The following PARP14 variants were observed in gnomAD, a reference collection of about 807,000 sequenced individuals.
PARP14 encodes poly(ADP-ribose) polymerase family member 14.
A neutral mutation model predicts 154.2 loss-of-function variants in PARP14; 59 were observed. The observed-to-expected ratio is 0.38, with a 90% CI of 0.31 to 0.48. The LOEUF is 0.48. PARP14 is among the 20% of genes least tolerant of loss of function. The pLI, the probability that PARP14 is intolerant of heterozygous loss-of-function variation, is 0.98. For synonymous variants in PARP14, 720 were observed against 780.5 expected (o/e 0.92, Z 1.29); for missense variants, 1,734 against 2,131.6 (o/e 0.81, Z 3.67).
At chr3:122,709,927 C>A (rs781486379) in intron 9 of PARP14, among the ~76,000 whole-genome samples, 1 of 146,918 alleles carries the variant, frequency 6.8e-6, no homozygotes, top group Non-Finnish European at 1.5e-5. Flanking sequence ...TTTTTTCTTG[C>A]GATTTGCTTG....
At chr3:122,703,044 T>C (rs1360144933) in intron 6 of PARP14, among the ~76,000 whole-genome samples, 3 of 145,500 alleles carry the variant, frequency 2.1e-5, no homozygotes, top group Non-Finnish European at 4.5e-5. Flanking sequence ...AAAACAGTCA[T>C]AGTTTGCTTT....
intron 14 of PARP14, among the ~76,000 whole-genome samples, chr3:122,719,409 T>A (rs992488877): frequency 7.2e-5 from 11 of 152,122 alleles, no homozygotes; most frequent in African/African-American, 2.7e-4. Context: ...CCAGGGAGGA[T>A]CGGGAGCCTG....
chr3:122,714,509 C>T (rs1932935643), intron 12 of PARP14, 80 bp downstream of exon 12: 1 of 1,157,394 alleles, frequency 8.6e-7, no homozygotes, highest in Non-Finnish European at 1.2e-6. Context: ...TGAATGCGGT[C>T]AGTGCTGAGT....
At chr3:122,693,734 A>G (rs1282696880) in intron 4 of PARP14, among the ~76,000 whole-genome samples, 1 of 151,826 alleles carries the variant, frequency 6.6e-6, no homozygotes, top group East Asian at 1.9e-4. Flanking sequence ...CCAGCTACTC[A>G]GGAGGCTGAG....
In PARP14 at chr3:122,685,074, A is replaced by G. The variant is rs1023394677; in HGVS notation, c.188-111A>G. 11 of 1,203,992 alleles carry G rather than the reference A, an allele frequency of 9.1e-6. No individual in the cohort carries two copies. In the African/African-American group the frequency reaches 1.7e-4, roughly 18 times the overall value. 74.6% of individuals were successfully genotyped at this position (1,203,992 alleles called of 1,614,324 possible). ...ACTTCACATATAGCCTCTCTTGAGAAACCGACCAAGCCATTGATTGATGGT... is the reference window on the plus strand; with the variant it reads ...ACTTCACATATAGCCTCTCTTGAGAGACCGACCAAGCCATTGATTGATGGT... On this transcript the variant is annotated intron_variant, in intron 1 of 16. Transcript: ENST00000474629.
At chr3:122,694,259 A>G (rs1938689859) in intron 4 of PARP14, among the ~76,000 whole-genome samples, 1 of 152,210 alleles carries the variant, frequency 6.6e-6, no homozygotes, top group Non-Finnish European at 1.5e-5. Flanking sequence ...AATGTCCAGA[A>G]TATATTCCAT....
At chr3:122,712,328 C>T (rs1298367886) in intron 9 of PARP14, among the ~76,000 whole-genome samples, 2 of 151,892 alleles carry the variant, frequency 1.3e-5, no homozygotes, top group Admixed American at 6.6e-5. Flanking sequence ...ACTGCAACCT[C>T]CGCCTCCCGG....
chr3:122,687,447 G>A (rs1420295046), intron 3 of PARP14, among the ~76,000 whole-genome samples: 12 of 152,216 alleles, frequency 7.9e-5, no homozygotes, highest in Non-Finnish European at 1.0e-4. Flanking sequence ...GCAAGGACAC[G>A]ATATGTCCAA....
intron 15 of PARP14, among the ~76,000 whole-genome samples, chr3:122,727,245 C>G (rs1487590976): frequency 6.6e-6 from 1 of 152,216 alleles, no homozygotes; most frequent in Non-Finnish European, 1.5e-5. Context: ...GTTTCCACCA[C>G]CGCCCTGGAG....
rs1465643634 is a variant in PARP14, at chr3:122,713,873, G to A, written c.3771G>A (p.Gly1257=). The change falls in exon 11 of 17, where the codon GGG becomes GGA. Residue 1257 remains glycine, a splice_region_variant and synonymous_variant. Transcript: ENST00000474629. ...STSNSFNLKA[G]VSKAILECAG... ...TATCATCTTGATTTTCTCATGTAGG[G>A]GTCTCCAAAGCAATTTTAGAATGTG... 2.5e-6 allele frequency: 4 copies of A among 1,603,646 alleles called. No individual in the cohort carries two copies. In the South Asian group the frequency reaches 4.4e-5, roughly 18 times the overall value.
In PARP14 at chr3:122,718,172, G is replaced by C; in HGVS notation, c.4102G>C (p.Val1368Leu). 6.2e-7 allele frequency: 1 copy of C among 1,613,628 alleles called. No individual in the cohort carries two copies. Among genetic ancestry groups the C allele is most frequent in the Non-Finnish European group, 8.5e-7 (1 of 1,179,680 alleles). Residue 1368 changes from valine to leucine, a missense_variant, in exon 13 of 17, where the codon GTT becomes CTT. By Grantham distance (32) the Val-to-Leu change is conservative. Transcript: ENST00000474629. ...AGCCCAGTCTGTGAAAAAAGTTAAA[G>C]TTGTTATCTTTCTGCCTCAAGTACT... is the stretch of plus-strand genomic sequence containing the variant. ...GSAQSVKKVKVVIFLPQVLDV... is the reference protein window; with the variant it reads ...GSAQSVKKVKLVIFLPQVLDV...
chr3:122,718,451 GA>G lies in PARP14; in HGVS notation c.4304del (p.Asn1435MetfsTer15). On this transcript the variant is annotated frameshift_variant, in exon 14 of 17. Coordinates refer to ENST00000474629, the MANE Select transcript of PARP14 (RefSeq NM_017554.3). LOFTEE classifies it high-confidence loss of function. Reference sequence around the variant, plus strand: ...ATCAGCAACTTTTCGGGTGTGTGGTGAAAATGTCACGTGTGTGGAATATGCT... The same window carrying G: ...ATCAGCAACTTTTCGGGTGTGTGGTGAAATGTCACGTGTGTGGAATATGCT... ...TESATFRVCG[E>X]NVTCVEYAIS... 6.2e-7 allele frequency: 1 copy of G among 1,613,942 alleles called. No homozygotes were observed. The highest frequency in any genetic ancestry group is 8.5e-7 in the Non-Finnish European group (1 of 1,179,842).
In PARP14 at chr3:122,700,577, G is replaced by C; in HGVS notation, c.2023G>C (p.Val675Leu). The change falls in exon 6 of 17, where the codon GTT becomes CTT. Residue 675 changes from valine to leucine, a missense_variant. Physicochemically the swap from Val to Leu is conservative, Grantham distance 32 (BLOSUM62 1). Transcript: ENST00000474629. ...ACAAAACATGAAAATAGAGAGACTG[G>C]TTGAAGTAAAGCCTTCCTTAGTTAT... ...VEQNMKIERL[V>L]EVKPSLVIDY... 6.3e-7 allele frequency: 1 copy of C among 1,595,644 alleles called. No homozygotes were observed. The highest frequency in any genetic ancestry group is 8.5e-7 in the Non-Finnish European group (1 of 1,170,270).
Position 122,695,448 on chromosome 3 carries a change from T to C in PARP14, c.621T>C (p.Asp207=). The C allele has an allele frequency of 1.9e-6, 3 of 1,582,978 alleles. No individual in the cohort carries two copies. In the Middle Eastern group the frequency reaches 5.0e-4, roughly 263 times the overall value. ...KHIDTIRFVD[D]CTKHHSIKQL... Reference sequence around the variant, plus strand: ...TAGATACTATAAGATTTGTTGATGATTGTACCAAGCACCATTCAATTAAAC... The same window carrying C: ...TAGATACTATAAGATTTGTTGATGACTGTACCAAGCACCATTCAATTAAAC... Residue 207 remains aspartate, a synonymous_variant, in exon 5 of 17, where the codon GAT becomes GAC. Coordinates refer to ENST00000474629, the MANE Select transcript of PARP14 (RefSeq NM_017554.3).
intron 2 of PARP14, chr3:122,686,783 A>C (rs1373549636): frequency 3.3e-6 from 1 of 299,198 alleles, no homozygotes; most frequent in Non-Finnish European, 6.2e-6. Context: ...AATATTAAAC[A>C]AGGGAAAAAT....
intron 6 of PARP14, among the ~76,000 whole-genome samples, chr3:122,702,484 T>C (rs570726739): frequency 6.6e-6 from 1 of 152,194 alleles, no homozygotes; most frequent in Non-Finnish European, 1.5e-5. Flanking sequence ...CCTCCCAAAG[T>C]GCTGGGATTA....
At position 122,704,544 on chromosome 3, in the gene PARP14, C is replaced by T. The variant is rs1479969063; in HGVS notation, c.3336C>T (p.Ile1112=). 6.3e-7 allele frequency: 1 copy of T among 1,598,424 alleles called. No homozygotes were observed. The highest frequency in any genetic ancestry group is 1.7e-5 in the Admixed American group (1 of 58,992). ...CGTTTCAGATAATGGAAGACATAAT[C>T]AGAGAATGTATGGAGATCACTGAGA... ...TSSLKIMEDI[I]RECMEITESL... Residue 1112 remains isoleucine, a synonymous_variant, in exon 8 of 17, where the codon ATC becomes ATT. Coordinates refer to ENST00000474629, the MANE Select transcript of PARP14 (RefSeq NM_017554.3).
chr3:122,690,787 C>T (rs545903880), intron 3 of PARP14, among the ~76,000 whole-genome samples: 2 of 152,336 alleles, frequency 1.3e-5, no homozygotes, highest in African/African-American at 4.8e-5. Context: ...GCTGGGATTA[C>T]AGGCATGAGC....
At chr3:122,690,750 G>A (rs907292245) in intron 3 of PARP14, among the ~76,000 whole-genome samples, 7 of 152,172 alleles carry the variant, frequency 4.6e-5, no homozygotes, top group African/African-American at 1.7e-4. Context: ...GATGTCAAGT[G>A]ATCCGCCTGC....
Sources: gnomAD v4.1 joint callset for allele counts (sites outside exome capture counted in the v4.1 genomes callset) on GRCh38, gnomAD v4.1.1 for gene constraint, MANE v1.5 for transcripts, NCBI Gene and HGNC (gene_info 2026-07-23, HGNC 2026-07-21) for gene names.